The following OTUD7A variants were observed in gnomAD, a reference collection of about 807,000 sequenced individuals.
The protein encoded by OTUD7A is OTU deubiquitinase 7A.
In OTUD7A, 12 loss-of-function variants were observed where a neutral mutation model predicts 65.7. That is an observed-to-expected ratio of 0.18 (90% CI 0.12 to 0.30). The LOEUF is 0.30. Among genes scored for constraint, OTUD7A ranks in the 10% least tolerant of loss-of-function variants. The probability of loss-of-function intolerance (pLI) is 1.00; values close to 1 mark genes in which losing one functional copy is unlikely to be tolerated. For missense variants in OTUD7A, 1,148 were observed against 1,304.8 expected (o/e 0.88, Z 1.85); for synonymous variants, 641 against 586.3 (o/e 1.09, Z -1.35).
chr15:31,586,552 C>A (rs1382464225), intron 3 of OTUD7A, among the ~76,000 whole-genome samples: 2 of 152,162 alleles, frequency 1.3e-5, no homozygotes, highest in African/African-American at 4.8e-5. Context: ...ACTTCTGCCT[C>A]CTCTTTGAGT....
rs184117044 is a variant in OTUD7A, at chr15:31,532,677, C to A, written c.551-1869G>T. Among the ~76,000 whole-genome samples, 547 of 152,192 alleles carry A rather than the reference C, an allele frequency of 3.6e-3. 8 individuals carry two copies. Among genetic ancestry groups the A allele is most frequent in the African/African-American group, 0.012 (515 of 41,536 alleles). ...GCGCGGTGGCTCACGCCTGTAATCC[C>A]AGCACTTTGGGAGGCTGAGGCGGGC... On this transcript the variant is annotated intron_variant, in intron 5 of 12. Coordinates refer to ENST00000307050, the MANE Select transcript of OTUD7A (RefSeq NM_001382637.1).
chr15:31,728,418 C>G (rs183056458), intron 1 of OTUD7A, among the ~76,000 whole-genome samples: 2 of 152,328 alleles, frequency 1.3e-5, no homozygotes, highest in African/African-American at 2.4e-5. Flanking sequence ...TCTGTATGAT[C>G]TTTTCAATGG....
At chr15:31,804,825 T>C (rs1486450392) in intron 1 of OTUD7A, among the ~76,000 whole-genome samples, 2 of 152,204 alleles carry the variant, frequency 1.3e-5, no homozygotes, top group African/African-American at 4.8e-5. Context: ...CAAAGCTAAA[T>C]CCTGTGTTTA....
At chr15:31,644,489 T>G (rs1347207605) in intron 3 of OTUD7A, among the ~76,000 whole-genome samples, 2 of 152,054 alleles carry the variant, frequency 1.3e-5, no homozygotes, top group Non-Finnish European at 2.9e-5. Context: ...TTTACTTTTA[T>G]TTTTTTAGAG....
At chr15:31,549,050 C>T (rs368765706) in intron 5 of OTUD7A, among the ~76,000 whole-genome samples, 2 of 150,930 alleles carry the variant, frequency 1.3e-5, no homozygotes, top group East Asian at 3.9e-4. Context: ...GCAGGAGAAT[C>T]GCTTGAACCC....
chr15:31,804,245 A>AAG (rs1896209865), intron 1 of OTUD7A, among the ~76,000 whole-genome samples: 1 of 152,174 alleles, frequency 6.6e-6, no homozygotes, highest in South Asian at 2.1e-4. Context: ...GGACAATAGG[A>AAG]AGAGGCAGCT....
At position 31,694,150 on chromosome 15, in the gene OTUD7A, G is replaced by C. The variant is rs555764589; in HGVS notation, c.-99-37073C>G. Among the ~76,000 whole-genome samples the C allele has an allele frequency of 2.4e-4, 36 of 152,288 alleles. No homozygotes were observed. In the South Asian group the frequency reaches 6.2e-3, roughly 26 times the overall value. On this transcript the variant is annotated intron_variant, in intron 1 of 12. Transcript: ENST00000307050. ...CTTAGTGACCCCAGAGTGGCGCTCAGAAGCCAGGACACTGCCCTCACAGAG... is the reference window on the plus strand; with the variant it reads ...CTTAGTGACCCCAGAGTGGCGCTCACAAGCCAGGACACTGCCCTCACAGAG...
intron 4 of OTUD7A, 65 bp downstream of exon 4, chr15:31,569,953 C>A: frequency 1.3e-6 from 2 of 1,573,180 alleles, no homozygotes; most frequent in African/African-American, 1.3e-5. Context: ...TACCACGCAA[C>A]CCGCCTGCAA....
intron 1 of OTUD7A, among the ~76,000 whole-genome samples, chr15:31,833,656 G>A (rs999572539): frequency 2.0e-5 from 3 of 152,164 alleles, no homozygotes; most frequent in African/African-American, 7.2e-5. Flanking sequence ...CAATATAAAA[G>A]TGTTGTAGTT....
At chr15:31,664,297 CCT>C (rs1169839893) in intron 1 of OTUD7A, among the ~76,000 whole-genome samples, 1 of 95,650 alleles carries the variant, frequency 1.0e-5, no homozygotes, top group East Asian at 2.7e-4. Flanking sequence ...CAGAACATTC[CCT>C]GTTCACCACA....
intron 1 of OTUD7A, among the ~76,000 whole-genome samples, chr15:31,831,145 C>T (rs1205994003): frequency 6.6e-6 from 1 of 152,126 alleles, no homozygotes; most frequent in Admixed American, 6.5e-5. Flanking sequence ...TCACACTATA[C>T]ACAAAAATTA....
chr15:31,805,783 G>A lies in OTUD7A; in HGVS notation c.-100+64724C>T, dbSNP rs150418291. On this transcript the variant is annotated intron_variant, in intron 1 of 12. Transcript: ENST00000307050. ...AGCTAAGAGACAGCCTGAGTTCTCC[G>A]GAGATCTTCCTCCTCCAAAACCCAA... 5.3e-5 allele frequency among the ~76,000 whole-genome samples: 8 copies of A among 152,244 alleles called. No homozygotes were observed. In the East Asian group the frequency reaches 1.4e-3, roughly 26 times the overall value.
In OTUD7A at chr15:31,799,450, C is replaced by T. The variant is rs554205585; in HGVS notation, c.-100+71057G>A. On this transcript the variant is annotated intron_variant, in intron 1 of 12. Transcript: ENST00000307050. ...AATGTGCCTGCATGTGGAGGTGGGG[C>T]TTTTGGAAGATAATTGTTTAGATGA... Among the ~76,000 whole-genome samples the T allele has an allele frequency of 1.1e-4, 16 of 152,212 alleles. No homozygotes were observed. In the South Asian group the frequency reaches 1.2e-3, roughly 12 times the overall value.
At chr15:31,613,074 C>T (rs988276258) in intron 3 of OTUD7A, among the ~76,000 whole-genome samples, 3 of 151,934 alleles carry the variant, frequency 2.0e-5, no homozygotes, top group Non-Finnish European at 4.4e-5. Context: ...AATGGTGCTG[C>T]GATAACTGGC....
intron 8 of OTUD7A, among the ~76,000 whole-genome samples, chr15:31,507,059 G>C (rs1243593445): frequency 6.6e-6 from 1 of 152,108 alleles, no homozygotes; most frequent in Non-Finnish European, 1.5e-5. Context: ...TGATGGCTAA[G>C]GTCTGTCTTT....
chr15:31,756,404 C>T (rs894621685), intron 1 of OTUD7A, among the ~76,000 whole-genome samples: 2 of 152,104 alleles, frequency 1.3e-5, no homozygotes, highest in Non-Finnish European at 2.9e-5. Context: ...CTTTTCAGGG[C>T]CCTGGAAATG....
At chr15:31,676,893 A>C (rs1489047953) in intron 1 of OTUD7A, among the ~76,000 whole-genome samples, 1 of 152,258 alleles carries the variant, frequency 6.6e-6, no homozygotes, top group African/African-American at 2.4e-5. Context: ...ATAGACAAGA[A>C]GTAAAACTGT....
intron 1 of OTUD7A, among the ~76,000 whole-genome samples, chr15:31,759,304 CCCCAGGTG>C (rs1240413458): frequency 6.6e-6 from 1 of 152,202 alleles, no homozygotes; most frequent in Non-Finnish European, 1.5e-5. Flanking sequence ...TTTTAAAGGT[CCCCAGGTG>C]ACCATAATAT....
chr15:31,807,578 T>C (rs1896302802), intron 1 of OTUD7A, among the ~76,000 whole-genome samples: 1 of 152,102 alleles, frequency 6.6e-6, no homozygotes, highest in Non-Finnish European at 1.5e-5. Context: ...GGCAGGATTA[T>C]AGAGGGAGAG....
Sources: allele counts gnomAD v4.1 joint callset (sites outside exome capture counted in the v4.1 genomes callset), GRCh38; gene constraint gnomAD v4.1.1; transcripts MANE v1.5; gene names NCBI Gene and HGNC (gene_info 2026-07-23, HGNC 2026-07-21).